Variants in NGEF observed in about 807,000 individuals in gnomAD.
The protein encoded by NGEF is ephexin-1.
Under a neutral mutation model 80.9 loss-of-function variants are expected in NGEF, and 31 were observed. The observed-to-expected ratio is 0.38, with a 90% CI of 0.29 to 0.52. The LOEUF (loss-of-function observed/expected upper bound fraction) is 0.52, where lower values mean the gene tolerates loss of function less well. Ranked by LOEUF, NGEF falls within the 20% of genes least tolerant of loss-of-function variation. The pLI is 0.84. For synonymous variants in NGEF, 371 were observed against 370.2 expected, an observed-to-expected ratio of 1.00 and a Z score of -0.03; for missense variants, 709 against 926.2, an observed-to-expected ratio of 0.77 and a Z score of 3.04.
chr2:232,964,795 C>T (rs1299993386), intron 3 of NGEF, among the ~76,000 whole-genome samples: 3 of 152,216 alleles, frequency 2.0e-5, no homozygotes, highest in African/African-American at 7.2e-5. Context: ...GTAGAGTACA[C>T]ACTGTGTGAT....
intron 1 of NGEF, among the ~76,000 whole-genome samples, chr2:232,995,830 T>C (rs999447371): frequency 7.4e-5 from 11 of 149,318 alleles, no homozygotes; most frequent in Admixed American, 5.4e-4. Flanking sequence ...GCATATTGTG[T>C]ATATGTATAT....
chr2:232,993,630 G>A (rs1168443289), intron 1 of NGEF, among the ~76,000 whole-genome samples: 5 of 152,144 alleles, frequency 3.3e-5, no homozygotes, highest in African/African-American at 1.2e-4. Context: ...CGTGTTTATA[G>A]CAGCATGAGT....
At chr2:233,009,046 C>T (rs765484876) in intron 1 of NGEF, among the ~76,000 whole-genome samples, 6 of 152,168 alleles carry the variant, frequency 3.9e-5, no homozygotes, top group Non-Finnish European at 8.8e-5. Context: ...ATCTGCCCAC[C>T]TTGGCCTCCA....
chr2:232,981,825 TTAA>T (rs1343836992), intron 1 of NGEF, among the ~76,000 whole-genome samples: 21 of 152,360 alleles, frequency 1.4e-4, no homozygotes, highest in Admixed American at 9.8e-4. Context: ...TTCCCCTGTC[TTAA>T]TAAATTGGCT....
At chr2:233,008,549 G>T (rs1269299902) in intron 1 of NGEF, among the ~76,000 whole-genome samples, 1 of 152,190 alleles carries the variant, frequency 6.6e-6, no homozygotes, top group African/African-American at 2.4e-5. Flanking sequence ...CGGGACCTGG[G>T]GGTCAAGGGC....
At chr2:232,995,715 C>G (rs929999405) in intron 1 of NGEF, among the ~76,000 whole-genome samples, 51 of 141,256 alleles carry the variant, frequency 3.6e-4, no homozygotes, top group African/African-American at 1.2e-3. Flanking sequence ...TGTGTATATA[C>G]ATATAATATA....
At chr2:233,001,932 T>C (rs1694987118) in intron 1 of NGEF, among the ~76,000 whole-genome samples, 1 of 152,142 alleles carries the variant, frequency 6.6e-6, no homozygotes, top group Admixed American at 6.6e-5. Context: ...GGAGAATTGC[T>C]TGAACCCGGG....
rs1695246900 is a variant in NGEF, at chr2:233,013,058, A to T, written c.-75+10T>A. On this transcript the variant is annotated intron_variant, in intron 1 of 14. Transcript: ENST00000264051. ...TATTTTTTTAAAAAATACCAAAACC[A>T]TTCTCTCACCTGCCAGAGAGGAGCT... The T allele has an allele frequency of 2.2e-6, 1 of 465,072 alleles. No individual in the cohort carries two copies. The highest frequency in any genetic ancestry group is 2.0e-5 in the African/African-American group (1 of 49,636). 28.8% of individuals were successfully genotyped at this position (465,072 alleles called of 1,614,324 possible).
At chr2:232,917,540 G>A (rs562022177) in intron 5 of NGEF, among the ~76,000 whole-genome samples, 1 of 151,700 alleles carries the variant, frequency 6.6e-6, no homozygotes, top group Admixed American at 6.6e-5. Flanking sequence ...TGAGATCTTG[G>A]CTTACTGAAA....
At chr2:232,880,782 C>CAGGTCAGGGTCAGGTCTGGGTG (rs1691474904) in intron 14 of NGEF, among the ~76,000 whole-genome samples, 1 of 152,038 alleles carries the variant, frequency 6.6e-6, no homozygotes, top group Non-Finnish European at 1.5e-5. Context: ...AGGTCTGGGT[C>CAGGTCAGGGTCAGGTCTGGGTG]AGGTCAGGCT....
At chr2:232,900,673 C>T (rs1264293120) in intron 5 of NGEF, among the ~76,000 whole-genome samples, 6 of 149,766 alleles carry the variant, frequency 4.0e-5, no homozygotes, top group East Asian at 1.9e-4. Context: ...CACACACACA[C>T]GCTCTCAGTC....
At chr2:232,962,415 G>A (rs1051903827) in intron 3 of NGEF, among the ~76,000 whole-genome samples, 1 of 151,008 alleles carries the variant, frequency 6.6e-6, no homozygotes, top group Non-Finnish European at 1.5e-5. Context: ...CAGGTGTGGT[G>A]GTGGGCACCT....
intron 1 of NGEF, among the ~76,000 whole-genome samples, chr2:232,994,929 TG>T (rs1694746564): frequency 1.1e-5 from 1 of 94,258 alleles, no homozygotes; most frequent in South Asian, 5.5e-4. Flanking sequence ...TATACATACA[TG>T]GATATATACA....
At chr2:232,899,227 G>A (rs115397492) in intron 5 of NGEF, among the ~76,000 whole-genome samples, 1,737 of 152,078 alleles carry the variant, frequency 0.011, 42 homozygotes, top group African/African-American at 0.04. Context: ...GTGTGAATGT[G>A]TGCATATGAG....
At chr2:232,932,963 G>C (rs1693247731) in intron 3 of NGEF, among the ~76,000 whole-genome samples, 1 of 151,156 alleles carries the variant, frequency 6.6e-6, no homozygotes, top group African/African-American at 2.4e-5. Context: ...AAAAAAATTA[G>C]CTCAGCATGG....
chr2:232,984,187 C>A (rs1383316898), intron 1 of NGEF, among the ~76,000 whole-genome samples: 1 of 152,154 alleles, frequency 6.6e-6, no homozygotes, highest in African/African-American at 2.4e-5. Flanking sequence ...TAGACTCGAG[C>A]AATCCTCCTT....
At chr2:232,906,218 G>T (rs1575007958) in intron 5 of NGEF, among the ~76,000 whole-genome samples, 1 of 11,842 alleles carries the variant, frequency 8.4e-5, no homozygotes, top group Non-Finnish European at 2.1e-4. Context: ...GAAGGAGGTG[G>T]GGGGGGGTCA....
intron 1 of NGEF, among the ~76,000 whole-genome samples, chr2:232,986,266 C>T (rs756462430): frequency 1.3e-5 from 2 of 152,204 alleles, no homozygotes; most frequent in Non-Finnish European, 1.5e-5. Context: ...GTGGTAGGAA[C>T]GTAAATTGGA....
intron 3 of NGEF, among the ~76,000 whole-genome samples, chr2:232,967,773 G>T (rs1385242767): frequency 6.6e-6 from 1 of 151,966 alleles, no homozygotes; most frequent in East Asian, 1.9e-4. Flanking sequence ...CAGGAAGGAA[G>T]TGTTGCCTCC....
Sources: gnomAD v4.1 joint callset for allele counts (sites outside exome capture counted in the v4.1 genomes callset) on GRCh38, gnomAD v4.1.1 for gene constraint, MANE v1.5 for transcripts, NCBI Gene and HGNC (gene_info 2026-07-23, HGNC 2026-07-21) for gene names.